The following GMPS variants were observed in gnomAD, a reference collection of about 807,000 sequenced individuals.
The protein encoded by GMPS is GMP synthase [glutamine-hydrolyzing].
GMPS carries 15 observed loss-of-function variants against 77.9 expected under a neutral mutation model. The ratio of observed to expected loss-of-function variants is 0.19; its 90% CI spans 0.13 to 0.30. The LOEUF (loss-of-function observed/expected upper bound fraction) is 0.30. Ranked by LOEUF, GMPS falls within the 10% of genes least tolerant of loss-of-function variation. The pLI, the probability that GMPS is intolerant of heterozygous loss-of-function variation, is 1.00. For synonymous variants in GMPS, 224 were observed against 275.9 expected, an observed-to-expected ratio of 0.81 and a Z score of 1.86; for missense variants, 590 against 838.8, an observed-to-expected ratio of 0.70 and a Z score of 3.66.
chr3:155,934,879 T>C, intron 13 of GMPS, 37 bp from the exon 14 acceptor site: 3 of 1,346,348 alleles, frequency 2.2e-6, no homozygotes, highest in South Asian at 1.2e-5. Context: ...ACATTTGAAA[T>C]GTAATTGCTG....
rs567737948 is a variant in GMPS at position 155,880,657 on chromosome 3, G to A, written c.27+9760G>A. On this transcript the variant is annotated intron_variant, in intron 1 of 15. Transcript: ENST00000496455. ...CCTTGAACAATAAATAGAATCAGAA[G>A]CACTCTGGATTTAACAAAGTTGTTT... Among the ~76,000 whole-genome samples the A allele has an allele frequency of 2.0e-5, 3 of 152,250 alleles. No individual in the cohort carries two copies. The South Asian group carries it at 6.2e-4, about 32-fold the overall frequency.
At chr3:155,935,071 C>T (rs75672038) in intron 14 of GMPS, 25 bp downstream of exon 14, 154,321 of 1,565,698 alleles carry the variant, frequency 0.099, 8,537 homozygotes, top group South Asian at 0.11. Flanking sequence ...TTTTTGATTA[C>T]TACCCTCTGA....
chr3:155,936,335 T>C lies in GMPS; in HGVS notation c.1808-3T>C, dbSNP rs1352204627. On this transcript the variant is annotated splice_polypyrimidine_tract_variant and splice_region_variant and intron_variant, in intron 14 of 15. Transcript: ENST00000496455. ...GATTGGTTCTACATATACCTTTCTC[T>C]AGGGTATGCTGGGAAAATCAGCCAG... 6.3e-7 allele frequency: 1 copy of C among 1,597,006 alleles called. No homozygotes were observed. Among genetic ancestry groups the C allele is most frequent in the East Asian group, 2.2e-5 (1 of 44,824 alleles).
chr3:155,909,292 T>C (rs937908101), intron 5 of GMPS, among the ~76,000 whole-genome samples: 1 of 152,244 alleles, frequency 6.6e-6, no homozygotes, highest in African/African-American at 2.4e-5. Flanking sequence ...GTTGAATATA[T>C]TTTTGTGGTT....
At chr3:155,931,739 A>G (rs1755627985) in intron 12 of GMPS, 26 bp from the exon 13 acceptor site, 1 of 960,164 alleles carries the variant, frequency 1.0e-6, no homozygotes, top group African/African-American at 1.6e-5. Context: ...ACTATTAAAA[A>G]TTATTGATTA....
At chr3:155,890,509 A>AT (rs1359218777) in intron 1 of GMPS, among the ~76,000 whole-genome samples, 2 of 152,140 alleles carry the variant, frequency 1.3e-5, no homozygotes, top group African/African-American at 4.8e-5. Context: ...CTACAGTATA[A>AT]TTTAAAATAC....
rs1326640828 is a variant in GMPS, at chr3:155,943,590, G to A, written c.*5898G>A. 1 of 178,788 alleles carries A rather than the reference G, an allele frequency of 5.6e-6. No individual in the cohort carries two copies. Among genetic ancestry groups the A allele is most frequent in the Non-Finnish European group, 1.2e-5 (1 of 83,306 alleles). 11.1% of individuals were successfully genotyped at this position (178,788 alleles called of 1,614,324 possible). ...TAATTGGAGTAAGTAGTATTGTTAT[G>A]AAATCACTGTGTAATTGTTAATTGT... On this transcript the variant is annotated 3_prime_UTR_variant, in exon 16 of 16. Coordinates refer to ENST00000496455, the MANE Select transcript of GMPS (RefSeq NM_003875.3).
chr3:155,943,081 A>G lies in GMPS; in HGVS notation c.*5389A>G. 5.7e-6 allele frequency: 1 copy of G among 175,974 alleles called. No individual in the cohort carries two copies. Among genetic ancestry groups the G allele is most frequent in the Non-Finnish European group, 1.2e-5 (1 of 81,742 alleles). 10.9% of individuals were successfully genotyped at this position (175,974 alleles called of 1,614,324 possible). On this transcript the variant is annotated 3_prime_UTR_variant, in exon 16 of 16. Transcript: ENST00000496455. ...CCCCATTTCTACTAAAAATGTAAAAATTAGCTGGGCTTGGTGGCGCGCGCC... is the reference window on the plus strand; with the variant it reads ...CCCCATTTCTACTAAAAATGTAAAAGTTAGCTGGGCTTGGTGGCGCGCGCC...
At chr3:155,885,564 A>C (rs1204947623) in intron 1 of GMPS, among the ~76,000 whole-genome samples, 1 of 152,192 alleles carries the variant, frequency 6.6e-6, no homozygotes, top group African/African-American at 2.4e-5. Context: ...ACAGTTTTCT[A>C]AAGGCATTTT....
Position 155,914,523 on chromosome 3 carries a change from A to G in GMPS, c.991A>G (p.Thr331Ala), listed in dbSNP as rs763038772. ...AATTAGCAAAACGTTAAATATGACC[A>G]CAAGTCCTGAAGAGAAAAGAAAAAT... ...KRISKTLNMT[T>A]SPEEKRKIIG... Residue 331 changes from threonine (T) to alanine (A), a missense_variant, in exon 8 of 16, where the codon ACA becomes GCA. Thr to Ala is a moderately conservative substitution (Grantham distance 58). Coordinates refer to ENST00000496455, the MANE Select transcript of GMPS (RefSeq NM_003875.3). 1 of 1,604,420 alleles carries G rather than the reference A, an allele frequency of 6.2e-7. No individual in the cohort carries two copies. The highest frequency in any genetic ancestry group is 8.5e-7 in the Non-Finnish European group (1 of 1,176,382).
chr3:155,874,102 C>G (rs1753971901), intron 1 of GMPS, among the ~76,000 whole-genome samples: 1 of 152,206 alleles, frequency 6.6e-6, no homozygotes, highest in African/African-American at 2.4e-5. Context: ...ATCCTCACAG[C>G]ATAGGTGATC....
intron 11 of GMPS, among the ~76,000 whole-genome samples, chr3:155,924,850 G>C (rs559915137): frequency 1.3e-5 from 2 of 151,954 alleles, no homozygotes; most frequent in Non-Finnish European, 2.9e-5. Flanking sequence ...AGGGATAGTA[G>C]GAGTGAAAAT....
At chr3:155,909,233 C>T (rs1754968719) in intron 5 of GMPS, among the ~76,000 whole-genome samples, 1 of 152,190 alleles carries the variant, frequency 6.6e-6, no homozygotes, top group Non-Finnish European at 1.5e-5. Context: ...CCTAGCCTAA[C>T]ATCTATTGCC....
chr3:155,922,953 C>T (rs1261612296), intron 11 of GMPS, among the ~76,000 whole-genome samples: 8 of 152,132 alleles, frequency 5.3e-5, no homozygotes, highest in Non-Finnish European at 1.2e-4. Flanking sequence ...AGAATATCTT[C>T]ACCTAGGTCC....
chr3:155,879,307 G>A (rs62286802), intron 1 of GMPS, among the ~76,000 whole-genome samples: 10,650 of 131,214 alleles, frequency 0.081, 508 homozygotes, highest in Middle Eastern at 0.23. Context: ...AGTCTCTGTC[G>A]CCCAGGCTGG....
At chr3:155,890,251 A>C (rs1007924630) in intron 1 of GMPS, among the ~76,000 whole-genome samples, 2 of 152,256 alleles carry the variant, frequency 1.3e-5, no homozygotes, top group Admixed American at 6.5e-5. Context: ...AAACAGGAAA[A>C]TTCTTTTAAA....
rs998354092 is a variant in GMPS, at chr3:155,941,526, T to G, written c.*3834T>G. The G allele has an allele frequency of 4.1e-5, 9 of 218,160 alleles. No homozygotes were observed. Among genetic ancestry groups the G allele is most frequent in the African/African-American group, 2.0e-4 (9 of 44,544 alleles). The allele number at this position is 218,160 out of a possible 1,614,324, so 13.5% of individuals were successfully genotyped here. ...TAGAGATAGCCCTGTCTTTCAGAAATTCTCTGACATCTGCTTGCGCAATGT... is the reference window on the plus strand; with the variant it reads ...TAGAGATAGCCCTGTCTTTCAGAAAGTCTCTGACATCTGCTTGCGCAATGT... On this transcript the variant is annotated 3_prime_UTR_variant, in exon 16 of 16. Coordinates refer to ENST00000496455, the MANE Select transcript of GMPS (RefSeq NM_003875.3).
At chr3:155,929,017 A>C (rs1245761500) in intron 12 of GMPS, among the ~76,000 whole-genome samples, 1 of 151,482 alleles carries the variant, frequency 6.6e-6, no homozygotes, top group African/African-American at 2.4e-5. Flanking sequence ...GTGTCTTTAT[A>C]GCAGCATGAT....
chr3:155,914,285 G>A, intron 7 of GMPS, 134 bp from the exon 8 acceptor site: 2 of 519,634 alleles, frequency 3.8e-6, no homozygotes, highest in Non-Finnish European at 6.3e-6. Flanking sequence ...AAATTTGTAG[G>A]CAGATTTAGG....
Sources: gnomAD v4.1 joint callset for allele counts (sites outside exome capture counted in the v4.1 genomes callset) on GRCh38, gnomAD v4.1.1 for gene constraint, MANE v1.5 for transcripts, NCBI Gene and HGNC (gene_info 2026-07-23, HGNC 2026-07-21) for gene names.